Variants in PLCH1 observed in about 807,000 individuals in gnomAD.
PLCH1 encodes the protein 1-phosphatidylinositol 4,5-bisphosphate phosphodiesterase eta-1.
Under a neutral mutation model 126.7 loss-of-function variants are expected in PLCH1, and 60 were observed. The ratio of observed to expected loss-of-function variants is 0.47; its 90% CI spans 0.38 to 0.59. PLCH1 has a LOEUF of 0.59. Ranked by LOEUF, PLCH1 falls within the 20% of genes least tolerant of loss-of-function variation. PLCH1 has a pLI of 0.00. For missense variants in PLCH1, 1,723 were observed against 2,040.0 expected, an observed-to-expected ratio of 0.84 and a Z score of 2.99; for synonymous variants, 719 against 734.9, an observed-to-expected ratio of 0.98 and a Z score of 0.35.
chr3:155,710,759 G>GAGGCA (rs1171136420), intron 1 of PLCH1, among the ~76,000 whole-genome samples: 2 of 151,754 alleles, frequency 1.3e-5, no homozygotes, highest in African/African-American at 4.8e-5. Flanking sequence ...CTTGAACCCG[G>GAGGCA]GAGGCAGAGG....
At chr3:155,468,393 T>C (rs1199253975) in intron 21 of PLCH1, among the ~76,000 whole-genome samples, 4 of 151,148 alleles carry the variant, frequency 2.6e-5, no homozygotes, top group Non-Finnish European at 5.9e-5. Flanking sequence ...ATGGGAGGAG[T>C]AAGTCCTAAA....
chr3:155,669,500 C>T (rs947311570), intron 2 of PLCH1, among the ~76,000 whole-genome samples: 36 of 152,164 alleles, frequency 2.4e-4, no homozygotes, highest in African/African-American at 8.7e-4. Context: ...TTCATTTGAG[C>T]CCAGGAGGTC....
intron 2 of PLCH1, among the ~76,000 whole-genome samples, chr3:155,654,458 C>T (rs1283540482): frequency 6.6e-6 from 1 of 152,142 alleles, no homozygotes; most frequent in Admixed American, 6.5e-5. Context: ...ACCTGTACAT[C>T]TAATCGATAT....
intron 1 of PLCH1, chr3:155,743,278 TC>T (rs1038895218): frequency 6.0e-5 from 27 of 452,230 alleles, no homozygotes; most frequent in African/African-American, 5.2e-4. Flanking sequence ...ACGCCTGTGA[TC>T]CCCACACTTT....
intron 14 of PLCH1, among the ~76,000 whole-genome samples, chr3:155,498,892 A>G (rs762220010): frequency 1.4e-4 from 21 of 152,120 alleles, no homozygotes; most frequent in Non-Finnish European, 2.4e-4. Context: ...AGACCATCAC[A>G]TTCCCCTCAC....
At chr3:155,513,361 T>C (rs1014806239) in intron 12 of PLCH1, among the ~76,000 whole-genome samples, 1 of 152,226 alleles carries the variant, frequency 6.6e-6, no homozygotes, top group African/African-American at 2.4e-5. Flanking sequence ...GAAATTGTCA[T>C]TAGGATCTCT....
At chr3:155,617,889 A>G (rs900730883) in intron 2 of PLCH1, among the ~76,000 whole-genome samples, 3 of 152,170 alleles carry the variant, frequency 2.0e-5, no homozygotes, top group Non-Finnish European at 2.9e-5. Context: ...AGGAGCCCCA[A>G]GTTAACTTTG....
At chr3:155,611,405 T>C (rs1266962770) in intron 2 of PLCH1, among the ~76,000 whole-genome samples, 1 of 151,560 alleles carries the variant, frequency 6.6e-6, no homozygotes, top group Non-Finnish European at 1.5e-5. Flanking sequence ...AATAAATAAA[T>C]ACAAATAAAA....
chr3:155,665,610 A>C (rs1030924555), intron 2 of PLCH1, among the ~76,000 whole-genome samples: 2 of 152,152 alleles, frequency 1.3e-5, no homozygotes, highest in Admixed American at 1.3e-4. Context: ...CCTCTAGCAC[A>C]CTCAATCTAA....
intron 2 of PLCH1, among the ~76,000 whole-genome samples, chr3:155,599,404 A>G (rs1353295508): frequency 6.6e-6 from 1 of 152,134 alleles, no homozygotes; most frequent in Non-Finnish European, 1.5e-5. Flanking sequence ...ATCAGAAGAA[A>G]AGAGAAAAGA....
At chr3:155,538,625 A>G (rs1469083768) in intron 10 of PLCH1, among the ~76,000 whole-genome samples, 2 of 152,180 alleles carry the variant, frequency 1.3e-5, no homozygotes, top group African/African-American at 2.4e-5. Context: ...GAACACCTTT[A>G]CATGCACAAA....
chr3:155,572,211 C>T (rs1197506571), intron 6 of PLCH1, among the ~76,000 whole-genome samples: 1 of 152,166 alleles, frequency 6.6e-6, no homozygotes, highest in Admixed American at 6.5e-5. Flanking sequence ...TGAAAGAGCT[C>T]TCAGGAAGTA....
At chr3:155,604,368 T>C (rs1214087664) in intron 2 of PLCH1, among the ~76,000 whole-genome samples, 1 of 152,116 alleles carries the variant, frequency 6.6e-6, no homozygotes, top group East Asian at 1.9e-4. Flanking sequence ...ACAAACAATG[T>C]AGAGTTTGTT....
At chr3:155,703,611 A>G (rs2109081265) in intron 2 of PLCH1, among the ~76,000 whole-genome samples, 1 of 152,334 alleles carries the variant, frequency 6.6e-6, no homozygotes, top group Non-Finnish European at 1.5e-5. Context: ...TAGTGCTGCA[A>G]ACTCTTCTGT....
chr3:155,536,708 T>C (rs1488072190), intron 10 of PLCH1, among the ~76,000 whole-genome samples: 1 of 152,118 alleles, frequency 6.6e-6, no homozygotes, highest in Non-Finnish European at 1.5e-5. Flanking sequence ...ATACTTGGTG[T>C]TCCCCAGGAA....
rs1208558445 is a variant in PLCH1 at position 155,514,843 on chromosome 3, C to A, written c.1512G>T (p.Arg504Ser). 6.2e-7 allele frequency: 1 copy of A among 1,611,296 alleles called. No homozygotes were observed. The highest frequency in any genetic ancestry group is 2.2e-5 in the East Asian group (1 of 44,840). The change falls in exon 12 of 23, where the codon AGG (arginine) becomes AGT (serine). Residue 504 changes from arginine (R) to serine (S), a missense_variant. By Grantham distance (110) the Arg-to-Ser change is moderately radical (BLOSUM62 -1). Transcript: ENST00000460012. ...CTTTTAACAGTGACTCCAGTTTTTT[C>A]CTTATGAAAGATTCCACCTGATGCT... Reference protein sequence around the residue: ...TTEHQVESFIRKKLESLLKES... With the variant: ...TTEHQVESFISKKLESLLKES...
intron 2 of PLCH1, among the ~76,000 whole-genome samples, chr3:155,652,794 C>T (rs9870721): frequency 0.16 from 25,026 of 151,998 alleles, 2,339 homozygotes; most frequent in East Asian, 0.27. Flanking sequence ...CACCCTCATC[C>T]GCTGATGATT....
intron 4 of PLCH1, among the ~76,000 whole-genome samples, chr3:155,592,838 C>T (rs1732389964): frequency 6.6e-6 from 1 of 152,162 alleles, no homozygotes; most frequent in Non-Finnish European, 1.5e-5. Context: ...AGTTAGAAAT[C>T]AAACCAACAG....
chr3:155,586,342 GCTA>G (rs1170947557), intron 4 of PLCH1, 148 bp from the exon 5 acceptor site: 17 of 689,970 alleles, frequency 2.5e-5, no homozygotes, highest in Non-Finnish European at 4.0e-5. Flanking sequence ...GCTCTGATGA[GCTA>G]CTAATAATGA....
Sources: gnomAD v4.1 joint callset for allele counts (sites outside exome capture counted in the v4.1 genomes callset) on GRCh38, gnomAD v4.1.1 for gene constraint, MANE v1.5 for transcripts, NCBI Gene and HGNC (gene_info 2026-07-23, HGNC 2026-07-21) for gene names.